SEC14L4: variants seen among roughly 807,000 people sequenced by gnomAD.
The protein encoded by SEC14L4 is SEC14 like lipid binding 4.
In SEC14L4, 42 loss-of-function variants were observed where a neutral mutation model predicts 55.1. The ratio of observed to expected loss-of-function variants is 0.76; its 90% CI spans 0.60 to 0.99. The LOEUF is 0.99. SEC14L4 is among the 50% of genes least tolerant of loss of function. SEC14L4 has a pLI of 0.00. For synonymous variants in SEC14L4, 206 were observed against 206.8 expected (o/e 1.00, Z 0.03); for missense variants, 445 against 512.1 (o/e 0.87, Z 1.27).
chr22:30,492,945 G>A (rs1031563770), intron 7 of SEC14L4: 7 of 204,836 alleles, frequency 3.4e-5, no homozygotes, highest in African/African-American at 7.0e-5. Context: ...TTAGCTGAGC[G>A]TAGTGGTGCA....
chr22:30,501,019 AGACCCTGT>A (rs1380330355), intron 2 of SEC14L4, among the ~76,000 whole-genome samples: 2 of 151,870 alleles, frequency 1.3e-5, no homozygotes. Flanking sequence ...CAATGTAGTG[AGACCCTGT>A]GACCCTGTGT....
intron 8 of SEC14L4, 132 bp downstream of exon 8, chr22:30,492,342 C>T (rs117606056): frequency 1.4e-5 from 16 of 1,113,588 alleles, no homozygotes; most frequent in South Asian, 1.1e-4. Context: ...ATTGCCCGTG[C>T]GTGTGGAGGC....
rs1454439616 is a variant in SEC14L4, at chr22:30,492,487, A to G, written c.651T>C (p.Ile217=). Residue 217 remains isoleucine, a synonymous_variant, in exon 8 of 12, where the codon ATT becomes ATC. Coordinates refer to ENST00000255858, the MANE Select transcript of SEC14L4 (RefSeq NM_174977.4). ...SFMSEETRRK[I]VILGDNWKQE... is the part of the protein sequence containing the mutation. ...CACGTCGCTCACCTCCCAGAATCAC[A>G]ATCTTCCTGCGTGTCTCCTCACTCA... 6.2e-7 allele frequency: 1 copy of G among 1,613,738 alleles called. No individual in the cohort carries two copies. The highest frequency in any genetic ancestry group is 8.5e-7 in the Non-Finnish European group (1 of 1,179,790).
At chr22:30,504,047 A>ATATTATTAT (rs3067219) in intron 1 of SEC14L4, among the ~76,000 whole-genome samples, 373 of 143,888 alleles carry the variant, frequency 2.6e-3, no homozygotes, top group Admixed American at 5.3e-3. Context: ...TATTATTTTT[A>ATATTATTAT]TATTATTATT....
chr22:30,495,732 C>T (rs1311287551), intron 3 of SEC14L4, 90 bp from the exon 4 acceptor site: 1 of 1,610,538 alleles, frequency 6.2e-7, no homozygotes, highest in Non-Finnish European at 8.5e-7. Flanking sequence ...AAGATCCCAC[C>T]ACAGCATACC....
chr22:30,498,578 G>C (rs1351827345), intron 2 of SEC14L4, among the ~76,000 whole-genome samples: 1 of 152,096 alleles, frequency 6.6e-6, no homozygotes, highest in South Asian at 2.1e-4. Context: ...ATTGGCAAAG[G>C]TCTCCAGTTC....
Position 30,492,549 on chromosome 22 carries a change from G to C in SEC14L4, c.589C>G (p.Leu197Val). The C allele has an allele frequency of 6.2e-7, 1 of 1,612,820 alleles. No homozygotes were observed. Among genetic ancestry groups the C allele is most frequent in the African/African-American group, 1.3e-5 (1 of 75,024 alleles). The change falls in exon 8 of 12, where the codon CTG becomes GTG. Residue 197 changes from leucine (L) to valine (V), a missense_variant. Physicochemically the swap from Leu to Val is conservative, Grantham distance 32. Coordinates refer to ENST00000255858, the MANE Select transcript of SEC14L4 (RefSeq NM_174977.4). ...ACCAAGTTGAAGGCCACGGGGAACAGTTTTGGGGCTGAAACACATGTAAAT... is the reference window on the plus strand; with the variant it reads ...ACCAAGTTGAAGGCCACGGGGAACACTTTTGGGGCTGAAACACATGTAAAT... ...KNLIVIRAPKLFPVAFNLVKS... is the reference protein window; with the variant it reads ...KNLIVIRAPKVFPVAFNLVKS...
Position 30,491,413 on chromosome 22 carries a change from C to T in SEC14L4, c.1081+160G>A. ...TTCCCCCACAATGAATCTCTGCCCT[C>T]ATACCTACAGGTAGGGGCCACTCAT... On this transcript the variant is annotated intron_variant, in intron 11 of 11. Transcript: ENST00000255858. The T allele has an allele frequency of 5.4e-6, 4 of 746,962 alleles. 1 individual carries two copies. The South Asian group carries it at 7.3e-5, about 14-fold the overall frequency. The allele number at this position is 746,962 out of a possible 1,614,324, so 46.3% of individuals were successfully genotyped here.
intron 2 of SEC14L4, among the ~76,000 whole-genome samples, chr22:30,499,131 G>A (rs779601141): frequency 8.6e-5 from 13 of 151,954 alleles, no homozygotes; most frequent in Non-Finnish European, 1.9e-4. Flanking sequence ...TTTTACTAGA[G>A]ACGGGGTTTC....
intron 5 of SEC14L4, 95 bp from the exon 6 acceptor site, chr22:30,495,056 C>A: frequency 8.5e-7 from 1 of 1,176,118 alleles, no homozygotes; most frequent in South Asian, 1.3e-5. Flanking sequence ...TTCCTGCCAT[C>A]CCACCCTCTG....
At chr22:30,492,304 T>C (rs1935989807) in intron 8 of SEC14L4, 149 bp from the exon 9 acceptor site, 4 of 1,195,844 alleles carry the variant, frequency 3.3e-6, no homozygotes, top group Non-Finnish European at 4.8e-6. Context: ...TTTATGTGGC[T>C]CCCAGCCCAC....
intron 2 of SEC14L4, among the ~76,000 whole-genome samples, chr22:30,498,540 C>A (rs1019101097): frequency 5.3e-5 from 8 of 152,130 alleles, no homozygotes; most frequent in Non-Finnish European, 1.0e-4. Flanking sequence ...GTCTTTCTAC[C>A]AATTGATATT....
chr22:30,494,531 C>T (rs1367183517), intron 6 of SEC14L4, among the ~76,000 whole-genome samples: 1 of 152,110 alleles, frequency 6.6e-6, no homozygotes, highest in Non-Finnish European at 1.5e-5. Flanking sequence ...CTGCACTGGG[C>T]TAATGTAAAA....
At position 30,489,840 on chromosome 22, in the gene SEC14L4, C is replaced by G. The variant is rs1322506273; in HGVS notation, c.*267G>C. 6.5e-7 allele frequency: 1 copy of G among 1,549,308 alleles called. No homozygotes were observed. Among genetic ancestry groups the G allele is most frequent in the Non-Finnish European group, 8.7e-7 (1 of 1,144,758 alleles). ...GCAAGCAGGACCCATCCTCAGTGGACTGGATCATCTTCAGCGTTCTCATTC... is the reference window on the plus strand; with the variant it reads ...GCAAGCAGGACCCATCCTCAGTGGAGTGGATCATCTTCAGCGTTCTCATTC... On this transcript the variant is annotated 3_prime_UTR_variant, in exon 12 of 12. Transcript: ENST00000255858.
At chr22:30,498,293 T>G (rs1936214955) in intron 2 of SEC14L4, among the ~76,000 whole-genome samples, 1 of 152,036 alleles carries the variant, frequency 6.6e-6, no homozygotes, top group Admixed American at 6.6e-5. Context: ...TGGCTAATTT[T>G]TGTATTTTTA....
At chr22:30,497,707 T>C (rs886303682) in intron 2 of SEC14L4, among the ~76,000 whole-genome samples, 5 of 152,154 alleles carry the variant, frequency 3.3e-5, no homozygotes, top group Non-Finnish European at 5.9e-5. Context: ...ACATGTTATC[T>C]CTTGTCAATG....
chr22:30,501,850 T>C lies in SEC14L4; in HGVS notation c.130+1827A>G, dbSNP rs1445294810. 3.4e-3 allele frequency among the ~76,000 whole-genome samples: 457 copies of C among 132,796 alleles called. 11 individuals are homozygous for C. The highest frequency in any genetic ancestry group is 0.012 in the African/African-American group (430 of 34,984). The allele number at this position is 132,796 out of a possible 152,430, so 87.1% of individuals were successfully genotyped here. A position where few individuals can be genotyped will look rare whatever the true frequency, so the allele number is the denominator to read the frequency against. ...ATATATATACACACACACGCACATA[T>C]ATATATATATATATATATATATATA... On this transcript the variant is annotated intron_variant, in intron 2 of 11. Coordinates refer to ENST00000255858, the MANE Select transcript of SEC14L4 (RefSeq NM_174977.4).
rs958798574 is a variant in SEC14L4, at chr22:30,488,982, A to T, written c.*1125T>A. The T allele has an allele frequency of 2.7e-5, 4 of 148,376 alleles. No individual in the cohort carries two copies. Among genetic ancestry groups the T allele is most frequent in the African/African-American group, 1.0e-4 (4 of 39,788 alleles). 9.2% of individuals were successfully genotyped at this position (148,376 alleles called of 1,614,324 possible). A position where few individuals can be genotyped will look rare whatever the true frequency, so the allele number is the denominator to read the frequency against. On this transcript the variant is annotated 3_prime_UTR_variant, in exon 12 of 12. Transcript: ENST00000255858. ...CACTGGCTTTAGGAGTTTAATCTAGATGGTTTGCTGTTTCTAGCAGCAGAG... is the reference window on the plus strand; with the variant it reads ...CACTGGCTTTAGGAGTTTAATCTAGTTGGTTTGCTGTTTCTAGCAGCAGAG...
chr22:30,492,092 C>T lies in SEC14L4; in HGVS notation c.728G>A (p.Gly243Glu), dbSNP rs1369540956. ...GTTGCCATCGGGGTCAGTCATGGTC[C>T]CCCCAAACTCCACAGGCAGCTGGTC... is the stretch of plus-strand genomic sequence containing the variant. ...SPDQLPVEFG[G>E]TMTDPDGNPK... Residue 243 changes from glycine to glutamate, a missense_variant, in exon 9 of 12, where the codon GGG (glycine) becomes GAG (glutamate). Coordinates refer to ENST00000255858, the MANE Select transcript of SEC14L4 (RefSeq NM_174977.4). 1 of 1,613,858 alleles carries T rather than the reference C, an allele frequency of 6.2e-7. No homozygotes were observed. The highest frequency in any genetic ancestry group is 8.5e-7 in the Non-Finnish European group (1 of 1,179,850).
Sources: gnomAD v4.1 joint callset for allele counts (sites outside exome capture counted in the v4.1 genomes callset) on GRCh38, gnomAD v4.1.1 for gene constraint, MANE v1.5 for transcripts, NCBI Gene and HGNC (gene_info 2026-07-23, HGNC 2026-07-21) for gene names.